MIPEP: variants seen among roughly 807,000 people sequenced by gnomAD.
MIPEP encodes the protein mitochondrial intermediate peptidase.
MIPEP carries 79 observed loss-of-function variants against 90.3 expected under a neutral mutation model. The observed-to-expected ratio is 0.87, with a 90% confidence interval of 0.73 to 1.05. MIPEP has a LOEUF of 1.05. Ranked by LOEUF, MIPEP falls within the 50% of genes least tolerant of loss-of-function variation. The pLI is 0.00. For synonymous variants in MIPEP, 334 were observed against 315.8 expected, an observed-to-expected ratio of 1.06 and a Z score of -0.61; for missense variants, 940 against 905.6, an observed-to-expected ratio of 1.04 and a Z score of -0.49.
chr13:23,880,693 C>T (rs958063019), intron 3 of MIPEP, among the ~76,000 whole-genome samples: 13 of 152,328 alleles, frequency 8.5e-5, no homozygotes, highest in East Asian at 7.7e-4. Context: ...TCTGCAGGGC[C>T]CCGTTCTGTC....
At chr13:23,799,050 C>G (rs1338924360) in intron 16 of MIPEP, among the ~76,000 whole-genome samples, 1 of 122,780 alleles carries the variant, frequency 8.1e-6, no homozygotes, top group Non-Finnish European at 1.6e-5. Flanking sequence ...GTCGCCCAAG[C>G]TGGGGTGCAG....
chr13:23,738,181 T>A (rs527834819), intron 18 of MIPEP, among the ~76,000 whole-genome samples: 1 of 152,278 alleles, frequency 6.6e-6, no homozygotes, highest in Admixed American at 6.5e-5. Flanking sequence ...AAAAACATGT[T>A]ATTTATTAGG....
At chr13:23,779,841 C>T (rs1013194200) in intron 16 of MIPEP, among the ~76,000 whole-genome samples, 3 of 152,228 alleles carry the variant, frequency 2.0e-5, no homozygotes. Context: ...TTCCCACACT[C>T]ACAGAGCCTC....
intron 16 of MIPEP, among the ~76,000 whole-genome samples, chr13:23,782,319 C>T (rs1267072015): frequency 1.3e-5 from 2 of 152,182 alleles, no homozygotes; most frequent in African/African-American, 2.4e-5. Flanking sequence ...AACTGCTCAA[C>T]TACATGGAAA....
intron 18 of MIPEP, among the ~76,000 whole-genome samples, chr13:23,749,727 C>T (rs1254755799): frequency 6.6e-6 from 1 of 152,150 alleles, no homozygotes; most frequent in East Asian, 1.9e-4. Flanking sequence ...AACTGAAGCA[C>T]GGAGCTTGGG....
At chr13:23,887,295 CA>C (rs924461491) in intron 1 of MIPEP, among the ~76,000 whole-genome samples, 37 of 152,120 alleles carry the variant, frequency 2.4e-4, no homozygotes, top group African/African-American at 8.9e-4. Flanking sequence ...CTCAGGAAGG[CA>C]GGGGGAAAAA....
chr13:23,751,863 T>C (rs1593132693), intron 18 of MIPEP, among the ~76,000 whole-genome samples: 1 of 152,028 alleles, frequency 6.6e-6, no homozygotes, highest in South Asian at 2.1e-4. Context: ...GATTTTATTG[T>C]TGATCAGTGG....
At chr13:23,884,220 A>AG (rs1275991635) in intron 2 of MIPEP, among the ~76,000 whole-genome samples, 72 of 105,914 alleles carry the variant, frequency 6.8e-4, no homozygotes, top group African/African-American at 2.1e-3. Flanking sequence ...GTTAGTGGGG[A>AG]GGGGGGGGTG....
At chr13:23,782,942 T>G (rs148955718) in intron 16 of MIPEP, among the ~76,000 whole-genome samples, 11,831 of 151,958 alleles carry the variant, frequency 0.078, 1,499 homozygotes, top group African/African-American at 0.27. Context: ...AATAACAGGC[T>G]CTGAAATTGA....
chr13:23,808,444 T>G (rs1428960727), intron 15 of MIPEP, among the ~76,000 whole-genome samples: 1 of 152,104 alleles, frequency 6.6e-6, no homozygotes, highest in Non-Finnish European at 1.5e-5. Flanking sequence ...AACAATTCAC[T>G]TCCTTTCCAC....
chr13:23,884,969 G>C (rs1871414288), intron 2 of MIPEP, among the ~76,000 whole-genome samples: 1 of 152,186 alleles, frequency 6.6e-6, no homozygotes, highest in South Asian at 2.1e-4. Context: ...CTGCTTCCTG[G>C]AAATGAGTAT....
chr13:23,885,965 G>A (rs1871462753), intron 2 of MIPEP, among the ~76,000 whole-genome samples: 2 of 149,836 alleles, frequency 1.3e-5, no homozygotes, highest in African/African-American at 2.4e-5. Context: ...TACACATAAA[G>A]TGTTCTTAGA....
At chr13:23,759,016 T>TA (rs1382609993) in intron 17 of MIPEP, among the ~76,000 whole-genome samples, 1 of 152,146 alleles carries the variant, frequency 6.6e-6, no homozygotes, top group African/African-American at 2.4e-5. Flanking sequence ...GATAAAGCAG[T>TA]AAAAATAGCA....
At chr13:23,882,067 CTTTCT>C (rs201987545) in intron 2 of MIPEP, among the ~76,000 whole-genome samples, 65 of 145,954 alleles carry the variant, frequency 4.5e-4, no homozygotes, top group Middle Eastern at 7.0e-3. Flanking sequence ...CAAATTCTTT[CTTTCT>C]TTTTTTTTTT....
At chr13:23,745,062 C>T (rs1017129205) in intron 18 of MIPEP, among the ~76,000 whole-genome samples, 12 of 152,050 alleles carry the variant, frequency 7.9e-5, no homozygotes, top group Non-Finnish European at 1.6e-4. Flanking sequence ...CATTTAGTAC[C>T]GAATGGAAAG....
chr13:23,791,006 C>T lies in MIPEP; in HGVS notation c.1848+14944G>A, dbSNP rs115591062. 3.6e-3 allele frequency among the ~76,000 whole-genome samples: 541 copies of T among 152,226 alleles called. 5 individuals carry two copies. The highest frequency in any genetic ancestry group is 0.012 in the African/African-American group (492 of 41,522). On this transcript the variant is annotated intron_variant, in intron 16 of 18. Transcript: ENST00000382172. ...TCCAAGCATTCCTTTGCTCAACAAT[C>T]ACACCCTGTCTTTTCAGCTAACTCT...
intron 16 of MIPEP, among the ~76,000 whole-genome samples, chr13:23,797,767 T>C (rs1314397855): frequency 1.3e-5 from 2 of 152,216 alleles, no homozygotes; most frequent in African/African-American, 4.8e-5. Context: ...AGCCTCCCTC[T>C]GGAAATTAAA....
At chr13:23,792,444 T>G (rs1952906785) in intron 16 of MIPEP, among the ~76,000 whole-genome samples, 1 of 152,260 alleles carries the variant, frequency 6.6e-6, no homozygotes, top group South Asian at 2.1e-4. Context: ...TAGAATGCAC[T>G]GGTGCAATCA....
At chr13:23,735,029 C>T (rs1952245965) in intron 18 of MIPEP, among the ~76,000 whole-genome samples, 1 of 152,212 alleles carries the variant, frequency 6.6e-6, no homozygotes, top group Non-Finnish European at 1.5e-5. Flanking sequence ...CCTTTCCCCA[C>T]ATTCCTGGAT....
Sources: allele counts gnomAD v4.1 joint callset (sites outside exome capture counted in the v4.1 genomes callset), GRCh38; gene constraint gnomAD v4.1.1; transcripts MANE v1.5; gene names NCBI Gene and HGNC (gene_info 2026-07-23, HGNC 2026-07-21).